The following RAC2 variants were observed in gnomAD, a reference collection of about 807,000 sequenced individuals.
RAC2 encodes the protein Rac family small GTPase 2, also known as ras-related C3 botulinum toxin substrate 2.
In RAC2, 1 loss-of-function variant was observed where a neutral mutation model predicts 24.0. The observed-to-expected ratio is 0.04, with a 90% CI of 0.01 to 0.20. The LOEUF (loss-of-function observed/expected upper bound fraction) is 0.20, where lower values mean the gene tolerates loss of function less well. Among genes scored for constraint, RAC2 ranks in the 10% least tolerant of loss-of-function variants. The pLI is 1.00. For missense variants in RAC2, 130 were observed against 259.1 expected (o/e 0.50, Z 3.42); for synonymous variants, 114 against 106.8 (o/e 1.07, Z -0.41).
chr22:37,230,722 GTGGTGGAA>G (rs1336040515), intron 5 of RAC2, among the ~76,000 whole-genome samples: 2 of 152,130 alleles, frequency 1.3e-5, no homozygotes, highest in East Asian at 3.8e-4. Flanking sequence ...AGGAGAGAAG[GTGGTGGAA>G]GGAAATGTGT....
At chr22:37,234,197 C>T (rs1421423096) in intron 2 of RAC2, among the ~76,000 whole-genome samples, 2 of 152,220 alleles carry the variant, frequency 1.3e-5, no homozygotes, top group African/African-American at 2.4e-5. Flanking sequence ...AGGCCAGACA[C>T]GGGGTGAGGG....
intron 5 of RAC2, among the ~76,000 whole-genome samples, chr22:37,228,466 C>A (rs1055515067): frequency 6.6e-6 from 1 of 152,222 alleles, no homozygotes; most frequent in South Asian, 2.1e-4. Flanking sequence ...CCCCTTCTGC[C>A]GAGATGCTAT....
chr22:37,226,839 A>G (rs1227021250), intron 5 of RAC2, 36 bp from the exon 6 acceptor site: 2 of 1,598,384 alleles, frequency 1.3e-6, no homozygotes, highest in Admixed American at 3.4e-5. Flanking sequence ...CCAAGGCCTA[A>G]GTGGCGGGGG....
At chr22:37,237,774 C>G (rs1305874782) in intron 2 of RAC2, among the ~76,000 whole-genome samples, 4 of 152,046 alleles carry the variant, frequency 2.6e-5, no homozygotes, top group African/African-American at 9.7e-5. Context: ...GTTCTAGAAA[C>G]TGGCGCGATG....
intron 2 of RAC2, among the ~76,000 whole-genome samples, chr22:37,240,047 C>G (rs1187523510): frequency 6.6e-6 from 1 of 152,236 alleles, no homozygotes; most frequent in Non-Finnish European, 1.5e-5. Context: ...TCCCTGCCCT[C>G]TCCTGGCTGC....
At chr22:37,241,774 CCTCCGT>C in intron 1 of RAC2, 116 bp from the exon 2 acceptor site, 1 of 871,348 alleles carries the variant, frequency 1.1e-6, no homozygotes, top group East Asian at 2.5e-5. Context: ...GCCCTCTGGG[CCTCCGT>C]CTCCCCATGT....
chr22:37,232,992 T>C (rs1170092776), intron 2 of RAC2, 74 bp from the exon 3 acceptor site: 8 of 1,161,232 alleles, frequency 6.9e-6, no homozygotes, highest in African/African-American at 1.5e-5. Context: ...TCCAGCTCCA[T>C]GTCATTCCTC....
chr22:37,236,244 T>G (rs1927218356), intron 2 of RAC2, among the ~76,000 whole-genome samples: 2 of 152,206 alleles, frequency 1.3e-5, no homozygotes, highest in Admixed American at 1.3e-4. Context: ...TCATTTTCCA[T>G]GTCCCCAAAT....
chr22:37,234,174 C>G (rs914018615), intron 2 of RAC2, among the ~76,000 whole-genome samples: 1 of 152,250 alleles, frequency 6.6e-6, no homozygotes, highest in African/African-American at 2.4e-5. Flanking sequence ...ATCCTGCCCC[C>G]ACAGCTGGCG....
chr22:37,233,595 C>T (rs921391468), intron 2 of RAC2, among the ~76,000 whole-genome samples: 1 of 152,180 alleles, frequency 6.6e-6, no homozygotes, highest in Non-Finnish European at 1.5e-5. Context: ...AATATTTTGT[C>T]GAATGAATGT....
chr22:37,228,758 G>A (rs1012926907), intron 5 of RAC2, among the ~76,000 whole-genome samples: 5 of 152,204 alleles, frequency 3.3e-5, no homozygotes, highest in African/African-American at 1.2e-4. Flanking sequence ...GCAGCCCCTG[G>A]AACAGGGGAG....
At chr22:37,236,324 C>G (rs1927220509) in intron 2 of RAC2, among the ~76,000 whole-genome samples, 1 of 152,196 alleles carries the variant, frequency 6.6e-6, no homozygotes, top group Admixed American at 6.5e-5. Flanking sequence ...TGGTGTGACA[C>G]CCCTGAGGGT....
rs199595759 is a variant in RAC2, at chr22:37,226,658, G to C, written c.*2+13C>G. The stretch of plus-strand genomic sequence containing the variant: ...GTGTATGGGAGTTGGGCACTAGAGT[G>C]GGGGACTCTTACCCCTAGAGGAGGC... On this transcript the variant is annotated intron_variant, in intron 6 of 6. Coordinates refer to ENST00000249071, the MANE Select transcript of RAC2 (RefSeq NM_002872.5). The C allele has an allele frequency of 3.1e-6, 5 of 1,611,992 alleles. No homozygotes were observed. Among genetic ancestry groups the C allele is most frequent in the Admixed American group, 1.7e-5 (1 of 59,902 alleles).
At chr22:37,237,881 G>A (rs1315453343) in intron 2 of RAC2, among the ~76,000 whole-genome samples, 3 of 151,844 alleles carry the variant, frequency 2.0e-5, no homozygotes, top group South Asian at 2.1e-4. Context: ...TCGGGCTGTC[G>A]GGGGGCCTAT....
intron 1 of RAC2, among the ~76,000 whole-genome samples, chr22:37,242,496 A>G (rs978814176): frequency 1.3e-5 from 2 of 152,152 alleles, no homozygotes; most frequent in Non-Finnish European, 2.9e-5. Flanking sequence ...GGGTGCAGGT[A>G]GCTCAGCCGA....
At chr22:37,232,735 G>C (rs796282332) in intron 3 of RAC2, 66 bp downstream of exon 3, 1 of 1,370,726 alleles carries the variant, frequency 7.3e-7, no homozygotes, top group African/African-American at 1.4e-5. Flanking sequence ...GGCTGGAAGG[G>C]CATCCCAAGC....
intron 2 of RAC2, chr22:37,241,011 T>C (rs1185303727): frequency 4.2e-6 from 3 of 717,064 alleles, no homozygotes; most frequent in Non-Finnish European, 7.8e-6. Flanking sequence ...CGGGGAAATG[T>C]CCTAGGAGTG....
At position 37,231,285 on chromosome 22, in the gene RAC2, TCTC is replaced by T. The variant is rs776972828; in HGVS notation, c.391_393del (p.Glu131del). 3 of 1,613,712 alleles carry T rather than the reference TCTC, an allele frequency of 1.9e-6. No individual in the cohort carries two copies. The highest frequency in any genetic ancestry group is 2.5e-6 in the Non-Finnish European group (3 of 1,179,998). ...GGGTAGGTGATGGGAGCCAGCTTCT[TCTC>T]CTTCAGTTTCTCGATGGTGTCCTTG... On this transcript the variant is annotated inframe_deletion, in exon 5 of 7. Transcript: ENST00000249071. The surrounding 1 kb of genome is among the most constrained non-coding windows in gnomAD (Gnocchi z 5.5).
rs1049024838 is a variant in RAC2, at chr22:37,226,012, C to G, written c.*30G>C. ...GGTGGGGATCCTGGAGGATCAGACC[C>G]ATCTAGGTGGGAGCGCTGGGGTGCA... On this transcript the variant is annotated 3_prime_UTR_variant, in exon 7 of 7. Coordinates refer to ENST00000249071, the MANE Select transcript of RAC2 (RefSeq NM_002872.5). 1 of 154,964 alleles carries G rather than the reference C, an allele frequency of 6.5e-6. No homozygotes were observed. Among genetic ancestry groups the G allele is most frequent in the African/African-American group, 2.4e-5 (1 of 41,422 alleles). The allele number at this position is 154,964 out of a possible 1,614,324, so 9.6% of individuals were successfully genotyped here.
Sources: allele counts gnomAD v4.1 joint callset (sites outside exome capture counted in the v4.1 genomes callset), GRCh38; gene constraint gnomAD v4.1.1; non-coding constraint Gnocchi (gnomAD v3.1); transcripts MANE v1.5; gene names NCBI Gene and HGNC (gene_info 2026-07-23, HGNC 2026-07-21).